The following IMMP2L variants were observed in gnomAD, a reference collection of about 807,000 sequenced individuals.
The protein encoded by IMMP2L is mitochondrial inner membrane protease subunit 2.
Under a neutral mutation model 19.3 loss-of-function variants are expected in IMMP2L, and 18 were observed. The observed-to-expected ratio is 0.93, with a 90% CI of 0.64 to 1.38. IMMP2L has a LOEUF of 1.38. IMMP2L is among the 40% of genes most tolerant of loss of function. The pLI, the probability that IMMP2L is intolerant of heterozygous loss-of-function variation, is 0.00. For missense variants in IMMP2L, 233 were observed against 218.2 expected (o/e 1.07, Z -0.43); for synonymous variants, 76 against 73.0 (o/e 1.04, Z -0.21).
At chr7:111,249,484 G>A (rs898883016) in intron 3 of IMMP2L, among the ~76,000 whole-genome samples, 3 of 151,540 alleles carry the variant, frequency 2.0e-5, no homozygotes, top group Non-Finnish European at 2.9e-5. Context: ...CGTCTTCTGC[G>A]TCGCTCACGC....
intron 3 of IMMP2L, among the ~76,000 whole-genome samples, chr7:111,097,616 T>C (rs1335456526): frequency 6.6e-6 from 1 of 151,910 alleles, no homozygotes; most frequent in African/African-American, 2.4e-5. Context: ...AAAATAGACA[T>C]GTATTTTTCA....
At chr7:111,473,091 TTAAAAATAA>T (rs1247299143) in intron 3 of IMMP2L, among the ~76,000 whole-genome samples, 5 of 152,178 alleles carry the variant, frequency 3.3e-5, no homozygotes, top group Non-Finnish European at 7.4e-5. Flanking sequence ...AATGACATTA[TTAAAAATAA>T]TAAAAATAAA....
chr7:111,170,487 A>G (rs1806311794), intron 3 of IMMP2L, among the ~76,000 whole-genome samples: 1 of 151,896 alleles, frequency 6.6e-6, no homozygotes, highest in South Asian at 2.1e-4. Flanking sequence ...AGCCCACAAT[A>G]CAATAGTTTA....
At chr7:110,761,670 C>T (rs1562960608) in intron 5 of IMMP2L, among the ~76,000 whole-genome samples, 1 of 152,148 alleles carries the variant, frequency 6.6e-6, no homozygotes, top group Non-Finnish European at 1.5e-5. Context: ...CATGTATTGT[C>T]TAATGTAATC....
chr7:110,918,138 G>A (rs976819600), intron 4 of IMMP2L, among the ~76,000 whole-genome samples: 2 of 152,072 alleles, frequency 1.3e-5, no homozygotes, highest in African/African-American at 4.8e-5. Context: ...CCTATTTGCT[G>A]TAGTTATTCA....
intron 3 of IMMP2L, among the ~76,000 whole-genome samples, chr7:111,453,623 GA>G (rs1379379191): frequency 6.6e-6 from 1 of 152,100 alleles, no homozygotes; most frequent in Non-Finnish European, 1.5e-5. Flanking sequence ...ATGAAACCGA[GA>G]GATCATCTTT....
chr7:110,904,138 G>C (rs1482921131), intron 4 of IMMP2L, among the ~76,000 whole-genome samples: 2 of 152,062 alleles, frequency 1.3e-5, no homozygotes, highest in African/African-American at 2.4e-5. Flanking sequence ...CCCCGCATTT[G>C]TGGTTTGCAT....
chr7:111,315,422 G>A (rs1189024750), intron 3 of IMMP2L, among the ~76,000 whole-genome samples: 2 of 150,318 alleles, frequency 1.3e-5, no homozygotes, highest in East Asian at 2.0e-4. Flanking sequence ...TTAATGGCAG[G>A]AAATGACTGA....
intron 3 of IMMP2L, among the ~76,000 whole-genome samples, chr7:111,319,514 A>G (rs184250347): frequency 4.9e-4 from 74 of 152,218 alleles, no homozygotes; most frequent in Middle Eastern, 3.4e-3. Flanking sequence ...AAGCAGAGTC[A>G]TAAGAGAATA....
chr7:111,022,971 C>T (rs1322929491), intron 3 of IMMP2L, among the ~76,000 whole-genome samples: 2 of 152,190 alleles, frequency 1.3e-5, no homozygotes, highest in Non-Finnish European at 2.9e-5. Flanking sequence ...ATGAACCGGA[C>T]ACAATACAAA....
chr7:110,953,035 C>A (rs59086405), intron 4 of IMMP2L, among the ~76,000 whole-genome samples: 68,538 of 151,782 alleles, frequency 0.45, 17,267 homozygotes, highest in Non-Finnish European at 0.58. Context: ...ACCTACCTAG[C>A]AAAGGTATGC....
chr7:111,456,408 CA>C (rs1349822388), intron 3 of IMMP2L, among the ~76,000 whole-genome samples: 1 of 151,828 alleles, frequency 6.6e-6, no homozygotes, highest in Non-Finnish European at 1.5e-5. Flanking sequence ...GATTAGTTAA[CA>C]GCTTGTAAAA....
intron 5 of IMMP2L, among the ~76,000 whole-genome samples, chr7:110,672,285 C>G (rs963001264): frequency 6.6e-6 from 1 of 152,058 alleles, no homozygotes; most frequent in Non-Finnish European, 1.5e-5. Flanking sequence ...GACTCACGCA[C>G]TATCACAACA....
chr7:111,314,378 T>A (rs943992347), intron 3 of IMMP2L, among the ~76,000 whole-genome samples: 1 of 152,146 alleles, frequency 6.6e-6, no homozygotes, highest in African/African-American at 2.4e-5. Flanking sequence ...ATCAGGAATA[T>A]GCCGAAGAAA....
At position 111,454,173 on chromosome 7, in the gene IMMP2L, G is replaced by T. The variant is rs139031857; in HGVS notation, c.239+33065C>A. Among the ~76,000 whole-genome samples, 284 of 152,124 alleles carry T rather than the reference G, an allele frequency of 1.9e-3. 2 individuals are homozygous for T. The highest frequency in any genetic ancestry group is 4.0e-4 in the Non-Finnish European group (27 of 67,970). On this transcript the variant is annotated intron_variant, in intron 3 of 5. Coordinates refer to ENST00000405709, the MANE Select transcript of IMMP2L (RefSeq NM_032549.4). ...TTAGAGATGGGGTCTTGCTTTGTCA[G>T]CTAGGCTGGAGTGCAGTGATGCGAT... is the stretch of plus-strand genomic sequence containing the variant.
intron 3 of IMMP2L, among the ~76,000 whole-genome samples, chr7:111,122,187 C>T (rs1354835453): frequency 3.3e-5 from 5 of 151,516 alleles, no homozygotes; most frequent in Admixed American, 6.6e-5. Flanking sequence ...CAAACCTGCA[C>T]GTTGTGCACA....
intron 3 of IMMP2L, among the ~76,000 whole-genome samples, chr7:111,468,096 G>C (rs1425785622): frequency 6.6e-6 from 1 of 152,056 alleles, no homozygotes; most frequent in African/African-American, 2.4e-5. Context: ...ATCCCAACTA[G>C]ATATACTAAT....
At chr7:110,878,861 A>G (rs1409303251) in intron 5 of IMMP2L, among the ~76,000 whole-genome samples, 18 of 152,188 alleles carry the variant, frequency 1.2e-4, no homozygotes. Flanking sequence ...AATTAAATTC[A>G]GTCATCTTTG....
intron 3 of IMMP2L, among the ~76,000 whole-genome samples, chr7:111,012,604 T>C (rs1306035267): frequency 6.6e-6 from 1 of 152,224 alleles, no homozygotes; most frequent in Admixed American, 6.6e-5. Flanking sequence ...AATTATGTTT[T>C]AGAAGGCCAA....
Sources: allele counts gnomAD v4.1 joint callset (sites outside exome capture counted in the v4.1 genomes callset), GRCh38; gene constraint gnomAD v4.1.1; transcripts MANE v1.5; gene names NCBI Gene and HGNC (gene_info 2026-07-23, HGNC 2026-07-21).